SLC24A2: variants seen among roughly 807,000 people sequenced by gnomAD.
SLC24A2 encodes the protein solute carrier family 24 member 2, also known as sodium/potassium/calcium exchanger 2.
SLC24A2 carries 36 observed loss-of-function variants against 62.0 expected under a neutral mutation model. The ratio of observed to expected loss-of-function variants is 0.58; its 90% confidence interval spans 0.44 to 0.77. The LOEUF (loss-of-function observed/expected upper bound fraction) is 0.77, where lower values mean the gene tolerates loss of function less well. Ranked by LOEUF, SLC24A2 falls within the 30% of genes least tolerant of loss-of-function variation. The pLI is 0.00. For missense variants in SLC24A2, 846 were observed against 817.9 expected (o/e 1.03, Z -0.42); for synonymous variants, 358 against 294.0 (o/e 1.22, Z -2.23).
the SLC24A2 span, among the ~76,000 whole-genome samples, chr9:19,842,781 C>T: frequency 2.6e-5 from 4 of 152,202 alleles, no homozygotes; most frequent in Non-Finnish European, 4.4e-5. Flanking sequence ...GTCCTTCTAT[C>T]TGACAGTCCC....
At chr9:19,708,200 G>C (rs1820594812) in intron 2 of SLC24A2, among the ~76,000 whole-genome samples, 1 of 152,156 alleles carries the variant, frequency 6.6e-6, no homozygotes, top group Non-Finnish European at 1.5e-5. Flanking sequence ...ACTTACAGGG[G>C]ATGTGAAGGA....
chr9:19,794,529 C>T, the SLC24A2 span, among the ~76,000 whole-genome samples: 29 of 150,846 alleles, frequency 1.9e-4, no homozygotes, highest in Non-Finnish European at 3.7e-4. Context: ...ACCCCTGTGA[C>T]ATGCAATTAC....
the SLC24A2 span, among the ~76,000 whole-genome samples, chr9:19,988,524 T>C: frequency 3.3e-5 from 5 of 152,200 alleles, no homozygotes. Flanking sequence ...AAGCAGGGTC[T>C]GGTGCCATTG....
chr9:20,208,713 G>C, the SLC24A2 span, among the ~76,000 whole-genome samples: 237 of 152,284 alleles, frequency 1.6e-3, 2 homozygotes, highest in Non-Finnish European at 2.5e-3. Context: ...AGAACGAGTA[G>C]ATAGACCCCC....
At chr9:19,861,535 G>T in the SLC24A2 span, among the ~76,000 whole-genome samples, 1 of 152,066 alleles carries the variant, frequency 6.6e-6, no homozygotes, top group African/African-American at 2.4e-5. Flanking sequence ...AGACACAGAT[G>T]AACATCTACA....
the SLC24A2 span, chr9:19,895,838 C>T: frequency 6.2e-7 from 1 of 1,607,570 alleles, no homozygotes; most frequent in Non-Finnish European, 8.5e-7. Flanking sequence ...GACCGCTCCT[C>T]AGGGGTCAGG....
chr9:20,109,650 A>T, the SLC24A2 span, among the ~76,000 whole-genome samples: 1 of 152,166 alleles, frequency 6.6e-6, no homozygotes, highest in Non-Finnish European at 1.5e-5. Context: ...AAACTTTTGG[A>T]AACTTGCTCC....
At chr9:19,946,871 AT>A in the SLC24A2 span, among the ~76,000 whole-genome samples, 1 of 152,176 alleles carries the variant, frequency 6.6e-6, no homozygotes, top group Non-Finnish European at 1.5e-5. Context: ...CTGTTTTCTC[AT>A]TGTTGTTACT....
chr9:20,067,695 G>A, the SLC24A2 span, among the ~76,000 whole-genome samples: 1 of 152,080 alleles, frequency 6.6e-6, no homozygotes, highest in Non-Finnish European at 1.5e-5. Context: ...CTTTATCCAT[G>A]TTGCTGCAAA....
the SLC24A2 span, among the ~76,000 whole-genome samples, chr9:20,277,839 A>C: frequency 6.6e-6 from 1 of 152,224 alleles, no homozygotes; most frequent in Admixed American, 6.5e-5. Flanking sequence ...ACCAACCCGA[A>C]TGTCCATCAA....
chr9:19,962,781 A>G, the SLC24A2 span, among the ~76,000 whole-genome samples: 3 of 152,156 alleles, frequency 2.0e-5, no homozygotes, highest in Non-Finnish European at 4.4e-5. Context: ...GGTTTTCTAG[A>G]TATACAATCA....
chr9:19,655,480 G>C (rs1164575208), intron 2 of SLC24A2, among the ~76,000 whole-genome samples: 4 of 152,178 alleles, frequency 2.6e-5, no homozygotes, highest in Non-Finnish European at 5.9e-5. Context: ...ATGCCTAATG[G>C]TCTCTATTTC....
chr9:19,906,100 A>G, the SLC24A2 span, among the ~76,000 whole-genome samples: 11 of 152,376 alleles, frequency 7.2e-5, no homozygotes, highest in Non-Finnish European at 1.3e-4. Context: ...CAGCAAATGT[A>G]AAAGAACTGA....
chr9:20,029,044 A>C, the SLC24A2 span, among the ~76,000 whole-genome samples: 2 of 152,186 alleles, frequency 1.3e-5, no homozygotes, highest in Admixed American at 1.3e-4. Flanking sequence ...CAGACTACAC[A>C]CACCCTCCAT....
chr9:19,889,506 A>C, the SLC24A2 span, among the ~76,000 whole-genome samples: 1 of 152,174 alleles, frequency 6.6e-6, no homozygotes, highest in African/African-American at 2.4e-5. Context: ...CTTAGCAATC[A>C]CCAAAACTTC....
the SLC24A2 span, among the ~76,000 whole-genome samples, chr9:20,028,312 A>T: frequency 6.6e-6 from 1 of 152,180 alleles, no homozygotes; most frequent in Admixed American, 6.5e-5. Flanking sequence ...TACATTAAGG[A>T]TGGTAATGCA....
chr9:20,185,517 T>C, the SLC24A2 span, among the ~76,000 whole-genome samples: 1 of 151,624 alleles, frequency 6.6e-6, no homozygotes, highest in African/African-American at 2.4e-5. Flanking sequence ...TACAAAAAAT[T>C]AGCTGGGCGT....
the SLC24A2 span, among the ~76,000 whole-genome samples, chr9:19,804,913 C>T: frequency 6.6e-6 from 1 of 152,142 alleles, no homozygotes; most frequent in African/African-American, 2.4e-5. Flanking sequence ...CTTTATTCTA[C>T]TAATGTGGCA....
At chr9:20,217,502 T>G in the SLC24A2 span, among the ~76,000 whole-genome samples, 2 of 152,120 alleles carry the variant, frequency 1.3e-5, no homozygotes, top group Admixed American at 1.3e-4. Context: ...TTTTTTTAAT[T>G]GACAGGAGGA....
Sources: gnomAD v4.1 joint callset for allele counts (sites outside exome capture counted in the v4.1 genomes callset) on GRCh38, gnomAD v4.1.1 for gene constraint, MANE v1.5 for transcripts, NCBI Gene and HGNC (gene_info 2026-07-23, HGNC 2026-07-21) for gene names.